Variants in BRPF3 observed in about 807,000 individuals in gnomAD.
BRPF3 encodes the protein bromodomain and PHD finger-containing protein 3.
Under a neutral mutation model 102.0 loss-of-function variants are expected in BRPF3, and 18 were observed. The observed-to-expected ratio is 0.18, with a 90% CI of 0.12 to 0.26. The LOEUF (loss-of-function observed/expected upper bound fraction) is 0.26. Among genes scored for constraint, BRPF3 ranks in the 10% least tolerant of loss-of-function variants. The pLI is 1.00. For missense variants in BRPF3, 1,147 were observed against 1,567.8 expected, an observed-to-expected ratio of 0.73 and a Z score of 4.53; for synonymous variants, 570 against 614.2, an observed-to-expected ratio of 0.93 and a Z score of 1.06.
Position 36,210,146 on chromosome 6 carries a change from G to A in BRPF3, c.1867-70G>A. ...AAATCAGAAATTGAGGAGGCCAAGA[G>A]TATTGGTGAAGGGTGTGTCTGTTTG... On this transcript the variant is annotated intron_variant, in intron 5 of 12. Transcript: ENST00000357641. This position sits in a 1 kb window ranked among gnomAD's most constrained non-coding sequence, Gnocchi z 4.7. The A allele has an allele frequency of 1.9e-6, 3 of 1,565,844 alleles. No individual in the cohort carries two copies. Among genetic ancestry groups the A allele is most frequent in the Non-Finnish European group, 2.6e-6 (3 of 1,137,982 alleles).
chr6:36,211,474 A>C lies in BRPF3; in HGVS notation c.2396A>C (p.Asn799Thr). The change falls in exon 7 of 13, where the codon AAT (asparagine) becomes ACT (threonine). Residue 799 changes from asparagine (N) to threonine (T), a missense_variant. Asn to Thr is a moderately conservative substitution (Grantham distance 65). Around this residue, in one of 11 missense-constraint regions of BRPF3, gnomAD observed 379 missense variants for 426.3 expected, o/e 0.89. Transcript: ENST00000357641. ...QPPSLNKTVS[N>T]GELPAGPQGD... ...CCATCACTCAACAAGACAGTATCCAATGGGGAGCTGCCAGCAGGGCCCCAG... is the reference window on the plus strand; with the variant it reads ...CCATCACTCAACAAGACAGTATCCACTGGGGAGCTGCCAGCAGGGCCCCAG... 6.3e-7 allele frequency: 1 copy of C among 1,594,578 alleles called. No individual in the cohort carries two copies. The highest frequency in any genetic ancestry group is 8.5e-7 in the Non-Finnish European group (1 of 1,170,456).
intron 10 of BRPF3, among the ~76,000 whole-genome samples, chr6:36,222,872 G>A (rs1768600309): frequency 6.6e-6 from 1 of 152,184 alleles, no homozygotes; most frequent in African/African-American, 2.4e-5. Context: ...TATATCCATA[G>A]GGAGCCTATC....
chr6:36,199,407 G>C (rs1767616604), intron 1 of BRPF3, among the ~76,000 whole-genome samples: 1 of 152,186 alleles, frequency 6.6e-6, no homozygotes, highest in Admixed American at 6.5e-5. Flanking sequence ...AAAAAGGCTG[G>C]GGACTGCTGT....
intron 11 of BRPF3, among the ~76,000 whole-genome samples, chr6:36,228,676 G>A (rs1434019783): frequency 6.6e-6 from 1 of 152,112 alleles, no homozygotes; most frequent in African/African-American, 2.4e-5. Flanking sequence ...GAGGTGAATT[G>A]CAAAGGTACT....
intron 9 of BRPF3, among the ~76,000 whole-genome samples, chr6:36,218,607 G>A (rs1446336554): frequency 2.0e-5 from 3 of 151,922 alleles, no homozygotes; most frequent in African/African-American, 4.8e-5. Context: ...GTATAGGCAC[G>A]TGCCACCACG....
intron 8 of BRPF3, among the ~76,000 whole-genome samples, chr6:36,214,925 A>G (rs977736432): frequency 4.6e-5 from 7 of 152,038 alleles, no homozygotes; most frequent in African/African-American, 1.7e-4. Context: ...GGCATGAGCT[A>G]TTTGTATGTC....
chr6:36,214,521 G>T, intron 8 of BRPF3, 135 bp downstream of exon 8: 1 of 1,105,948 alleles, frequency 9.0e-7, no homozygotes, highest in Non-Finnish European at 1.2e-6. Flanking sequence ...GGGCACCATA[G>T]CTCACAGTTG....
At chr6:36,222,814 A>G (rs932954001) in intron 10 of BRPF3, among the ~76,000 whole-genome samples, 18 of 152,174 alleles carry the variant, frequency 1.2e-4, no homozygotes, top group African/African-American at 4.3e-4. Context: ...GTTTTCATTT[A>G]TTATCGTAAC....
chr6:36,210,052 C>T lies in BRPF3; in HGVS notation c.1866+137C>T. ...GGGTCTGGCAAAGCTAGTAGACTTGCCCTTGATGAGGGGTCAGCAGGCCAG... is the reference window on the plus strand; with the variant it reads ...GGGTCTGGCAAAGCTAGTAGACTTGTCCTTGATGAGGGGTCAGCAGGCCAG... On this transcript the variant is annotated intron_variant, in intron 5 of 12. Transcript: ENST00000357641. This position sits in a 1 kb window ranked among gnomAD's most constrained non-coding sequence, Gnocchi z 4.7. The T allele has an allele frequency of 7.0e-7, 1 of 1,427,652 alleles. No individual in the cohort carries two copies. Among genetic ancestry groups the T allele is most frequent in the Admixed American group, 2.0e-5 (1 of 50,402 alleles). 88.4% of individuals were successfully genotyped at this position (1,427,652 alleles called of 1,614,324 possible).
At position 36,214,129 on chromosome 6, in the gene BRPF3, C is replaced by A; in HGVS notation, c.2732C>A (p.Ala911Asp). 1 of 1,614,230 alleles carries A rather than the reference C, an allele frequency of 6.2e-7. No homozygotes were observed. Residue 911 changes from alanine to aspartate, a missense_variant, in exon 8 of 13, where the codon GCC (alanine) becomes GAC (aspartate). Around this residue, in one of 11 missense-constraint regions of BRPF3, gnomAD observed 379 missense variants for 426.3 expected, o/e 0.89. Coordinates refer to ENST00000357641, the MANE Select transcript of BRPF3 (RefSeq NM_015695.3). ...DNGINRLSLM[A>D]PDTPAGTPLS... is the part of the protein sequence containing the mutation. ...GGCATCAACAGACTATCCCTCATGGCCCCTGACACCCCGGCCGGTACCCCA... is the reference window on the plus strand; with the variant it reads ...GGCATCAACAGACTATCCCTCATGGACCCTGACACCCCGGCCGGTACCCCA...
Position 36,200,255 on chromosome 6 carries a change from T to A in BRPF3, c.-26-42T>A, listed in dbSNP as rs951616929. On this transcript the variant is annotated intron_variant, in intron 1 of 12. Transcript: ENST00000357641. The surrounding 1 kb of genome is among the most constrained non-coding windows in gnomAD (Gnocchi z 5.3). ...TCATATGGGAGGATGAATGGGTGCA[T>A]AAGGGCATCCAACTCATAGTCTCCT... 2.0e-6 allele frequency: 3 copies of A among 1,520,616 alleles called. No homozygotes were observed. Among genetic ancestry groups the A allele is most frequent in the Non-Finnish European group, 2.6e-6 (3 of 1,138,284 alleles). 94.2% of individuals were successfully genotyped at this position (1,520,616 alleles called of 1,614,324 possible). A position where few individuals can be genotyped will look rare whatever the true frequency, so the allele number is the denominator to read the frequency against.
chr6:36,210,152 G>A lies in BRPF3; in HGVS notation c.1867-64G>A, dbSNP rs769263577. 4.4e-6 allele frequency: 7 copies of A among 1,575,174 alleles called. No individual in the cohort carries two copies. Among genetic ancestry groups the A allele is most frequent in the South Asian group, 2.2e-5 (2 of 89,690 alleles). The stretch of plus-strand genomic sequence containing the variant: ...GAAATTGAGGAGGCCAAGAGTATTG[G>A]TGAAGGGTGTGTCTGTTTGGCTAGT... On this transcript the variant is annotated intron_variant, in intron 5 of 12. Coordinates refer to ENST00000357641, the MANE Select transcript of BRPF3 (RefSeq NM_015695.3). This position sits in a 1 kb window ranked among gnomAD's most constrained non-coding sequence, Gnocchi z 4.7.
intron 8 of BRPF3, among the ~76,000 whole-genome samples, chr6:36,215,120 GT>G (rs571512274): frequency 9.9e-5 from 15 of 151,144 alleles, no homozygotes; most frequent in African/African-American, 3.6e-4. Context: ...GTTTTTTTTT[GT>G]TTTTTTGTTT....
chr6:36,204,732 T>C lies in BRPF3; in HGVS notation c.1523T>C (p.Leu508Pro). 6.2e-7 allele frequency: 1 copy of C among 1,614,236 alleles called. No individual in the cohort carries two copies. Among genetic ancestry groups the C allele is most frequent in the Non-Finnish European group, 8.5e-7 (1 of 1,180,042 alleles). Residue 508 changes from leucine (L) to proline (P), a missense_variant, in exon 3 of 13, where the codon CTG (leucine) becomes CCG (proline). Coordinates refer to ENST00000357641, the MANE Select transcript of BRPF3 (RefSeq NM_015695.3). ...ATGCAGCGGCTTCACAATTATTGGC[T>C]GTTGAAGCGGCAGGCACGGAATGGT... ...QFMQRLHNYW[L>P]LKRQARNGVP...
Position 36,225,343 on chromosome 6 carries a change from C to T in BRPF3, c.3258C>T (p.Gly1086=). Reference sequence around the variant, plus strand: ...AGCTGGTGTGGGCCAAGTGCCGAGGCTACCCCTCCTACCCTGCCTTGGTGA... The same window carrying T: ...AGCTGGTGTGGGCCAAGTGCCGAGGTTACCCCTCCTACCCTGCCTTGGTGA... The part of the protein sequence containing the change: ...PLELVWAKCR[G]YPSYPALIID... Residue 1086 remains glycine, a synonymous_variant, in exon 11 of 13, where the codon GGC becomes GGT. Transcript: ENST00000357641. 1.9e-6 allele frequency: 3 copies of T among 1,610,360 alleles called. No homozygotes were observed. Among genetic ancestry groups the T allele is most frequent in the Non-Finnish European group, 1.7e-6 (2 of 1,179,996 alleles).
intron 11 of BRPF3, 149 bp downstream of exon 11, chr6:36,225,513 A>G (rs1347982903): frequency 1.6e-6 from 1 of 617,286 alleles, no homozygotes; most frequent in African/African-American, 1.8e-5. Context: ...GAGTGGGTCA[A>G]ACTAGCAAGG....
chr6:36,214,141 C>T lies in BRPF3; in HGVS notation c.2744C>T (p.Pro915Leu), dbSNP rs1328929901. 9.3e-6 allele frequency: 15 copies of T among 1,614,102 alleles called. No homozygotes were observed. The highest frequency in any genetic ancestry group is 6.7e-5 in the African/African-American group (5 of 74,938). Residue 915 changes from proline to leucine, a missense_variant, in exon 8 of 13, where the codon CCG becomes CTG. By Grantham distance (98) the Pro-to-Leu change is moderately conservative. Around this residue, in one of 11 missense-constraint regions of BRPF3, gnomAD observed 379 missense variants for 426.3 expected, o/e 0.89. Coordinates refer to ENST00000357641, the MANE Select transcript of BRPF3 (RefSeq NM_015695.3). ...NRLSLMAPDT[P>L]AGTPLSGVGR... is the part of the protein sequence containing the mutation. ...CTATCCCTCATGGCCCCTGACACCC[C>T]GGCCGGTACCCCACTTAGTGGTGTG...
At chr6:36,209,954 G>T in intron 5 of BRPF3, 39 bp downstream of exon 5, 1 of 1,610,770 alleles carries the variant, frequency 6.2e-7, no homozygotes, top group Non-Finnish European at 8.5e-7. Context: ...AATTCTTCTT[G>T]AACTGGAACA....
At chr6:36,219,320 G>A (rs1330681135) in intron 9 of BRPF3, among the ~76,000 whole-genome samples, 1 of 152,096 alleles carries the variant, frequency 6.6e-6, no homozygotes, top group African/African-American at 2.4e-5. Context: ...AGGGGAAGTA[G>A]ATGGGAAAAA....
Sources: allele counts gnomAD v4.1 joint callset (sites outside exome capture counted in the v4.1 genomes callset), GRCh38; gene constraint gnomAD v4.1.1; regional missense constraint gnomAD v4.1.1; non-coding constraint Gnocchi (gnomAD v3.1); transcripts MANE v1.5; gene names NCBI Gene and HGNC (gene_info 2026-07-23, HGNC 2026-07-21).